The following TLK1 variants were observed in gnomAD, a reference collection of about 807,000 sequenced individuals.
TLK1 encodes the protein serine/threonine-protein kinase tousled-like 1.
A neutral mutation model predicts 105.3 loss-of-function variants in TLK1; 24 were observed. The ratio of observed to expected loss-of-function variants is 0.23; its 90% CI spans 0.17 to 0.32. The LOEUF is 0.32. Ranked by LOEUF, TLK1 falls within the 10% of genes least tolerant of loss-of-function variation. The pLI, the probability that TLK1 is intolerant of heterozygous loss-of-function variation, is 1.00. For missense variants in TLK1, 558 were observed against 910.5 expected (o/e 0.61, Z 4.98); for synonymous variants, 321 against 310.4 (o/e 1.03, Z -0.36).
intron 19 of TLK1, 57 bp from the exon 20 acceptor site, chr2:170,996,817 T>C (rs1684086044): frequency 1.3e-5 from 18 of 1,423,634 alleles, no homozygotes; most frequent in Non-Finnish European, 1.7e-5. Context: ...TAAACACAGA[T>C]ATCATTTCTG....
chr2:171,012,098 C>T (rs1232397557), intron 13 of TLK1, among the ~76,000 whole-genome samples: 1 of 151,902 alleles, frequency 6.6e-6, no homozygotes, highest in Admixed American at 6.6e-5. Flanking sequence ...ATATTGCCGA[C>T]TGAGCATCCC....
At chr2:171,195,501 C>CAAAAAAAAAAAAA in intron 1 of TLK1, among the ~76,000 whole-genome samples, 1 of 66,304 alleles carries the variant, frequency 1.5e-5, no homozygotes, top group East Asian at 5.9e-4. Flanking sequence ...GACTCTGTCT[C>CAAAAAAAAAAAAA]AAAAAAAAAA....
chr2:171,151,677 G>A (rs900391450), intron 1 of TLK1, among the ~76,000 whole-genome samples: 12 of 151,302 alleles, frequency 7.9e-5, no homozygotes, highest in South Asian at 4.2e-4. Flanking sequence ...GGGTTTCACC[G>A]TGTTAGCCAG....
intron 1 of TLK1, among the ~76,000 whole-genome samples, chr2:171,158,350 CCGG>C (rs1692316418): frequency 3.9e-5 from 6 of 152,082 alleles, no homozygotes; most frequent in African/African-American, 1.4e-4. Context: ...ATCTAAACTG[CCGG>C]AAAAAATTAT....
At chr2:171,079,223 T>C (rs1688643016) in intron 3 of TLK1, among the ~76,000 whole-genome samples, 1 of 152,222 alleles carries the variant, frequency 6.6e-6, no homozygotes, top group Non-Finnish European at 1.5e-5. Context: ...TACTTCACTC[T>C]GTCTTATGGG....
chr2:171,061,279 A>C, intron 3 of TLK1, 123 bp from the exon 4 acceptor site: 3 of 721,112 alleles, frequency 4.2e-6, no homozygotes, highest in South Asian at 3.9e-5. Flanking sequence ...AGAGATGTTA[A>C]TATACTGTTA....
chr2:171,013,566 A>C (rs1447680628), intron 13 of TLK1, among the ~76,000 whole-genome samples: 1 of 151,992 alleles, frequency 6.6e-6, no homozygotes, highest in African/African-American at 2.4e-5. Flanking sequence ...CTGGCCTCCC[A>C]AAGTGCAAGG....
At position 171,017,220 on chromosome 2, in the gene TLK1, A is replaced by C. The variant is rs545037289; in HGVS notation, c.1237-2272T>G. On this transcript the variant is annotated intron_variant, in intron 12 of 20. Coordinates refer to ENST00000431350, the MANE Select transcript of TLK1 (RefSeq NM_012290.5). ...CCAGGAGTATGAAAGAATTTAAATT[A>C]ATTTACACTAGAAATGTAGAATCTA... Among the ~76,000 whole-genome samples the C allele has an allele frequency of 2.0e-5, 3 of 152,320 alleles. No individual in the cohort carries two copies. The South Asian group carries it at 6.2e-4, about 32-fold the overall frequency.
chr2:171,139,434 C>A (rs1286393042), intron 1 of TLK1, among the ~76,000 whole-genome samples: 1 of 151,830 alleles, frequency 6.6e-6, no homozygotes, highest in East Asian at 1.9e-4. Context: ...CCTGTCTTTA[C>A]TAAAGATTCA....
intron 11 of TLK1, among the ~76,000 whole-genome samples, chr2:171,042,075 T>C (rs984689399): frequency 6.6e-6 from 1 of 152,196 alleles, no homozygotes; most frequent in African/African-American, 2.4e-5. Flanking sequence ...GCCACAGAGT[T>C]AGTTTTAGGT....
At chr2:171,042,848 C>A (rs1021828295) in intron 11 of TLK1, among the ~76,000 whole-genome samples, 1 of 151,908 alleles carries the variant, frequency 6.6e-6, no homozygotes, top group Non-Finnish European at 1.5e-5. Context: ...AAAGCACAGT[C>A]CATTTAGAGA....
At chr2:171,015,411 TACAA>T (rs1181004728) in intron 12 of TLK1, among the ~76,000 whole-genome samples, 3 of 110,572 alleles carry the variant, frequency 2.7e-5, no homozygotes, top group African/African-American at 3.6e-5. Context: ...GCATTTGGAG[TACAA>T]ACACACACAC....
At chr2:171,031,170 C>A (rs770549412) in intron 11 of TLK1, among the ~76,000 whole-genome samples, 1 of 152,076 alleles carries the variant, frequency 6.6e-6, no homozygotes, top group Admixed American at 6.6e-5. Context: ...GACAAAAGAG[C>A]CATTTCTTAC....
At chr2:171,072,261 T>C (rs1688296088) in intron 3 of TLK1, among the ~76,000 whole-genome samples, 1 of 152,232 alleles carries the variant, frequency 6.6e-6, no homozygotes, top group Non-Finnish European at 1.5e-5. Flanking sequence ...TTGCATACTC[T>C]TCAATTTCTT....
chr2:171,089,351 T>A (rs1205273349), intron 2 of TLK1, among the ~76,000 whole-genome samples: 1 of 152,218 alleles, frequency 6.6e-6, no homozygotes, highest in Non-Finnish European at 1.5e-5. Context: ...TCTCTGCCAA[T>A]CTAAGGTAAT....
chr2:171,048,626 G>GC (rs1687072401), intron 10 of TLK1, among the ~76,000 whole-genome samples: 1 of 151,052 alleles, frequency 6.6e-6, no homozygotes, highest in African/African-American at 2.4e-5. Context: ...CTGCAGAATT[G>GC]AAACCCAAAC....
chr2:171,179,217 T>C (rs996173889), intron 1 of TLK1, among the ~76,000 whole-genome samples: 1 of 152,224 alleles, frequency 6.6e-6, no homozygotes. Flanking sequence ...TCCTCATAGT[T>C]GTAATGAGTC....
chr2:171,108,081 AACAAC>A lies in TLK1; in HGVS notation c.258+9653_258+9657del, dbSNP rs1454367963. Among the ~76,000 whole-genome samples the A allele has an allele frequency of 1.8e-3, 101 of 55,412 alleles. 1 individual carries two copies. The South Asian group carries it at 0.028, about 15-fold the overall frequency. 36.4% of individuals were successfully genotyped at this position (55,412 alleles called of 152,430 possible). A position where few individuals can be genotyped will look rare whatever the true frequency, so the allele number is the denominator to read the frequency against. ...TCAAAAAAAAAACAACAACAACAAC[AACAAC>A]AAAAAAACAGGAGCCAGGAGACCAC... On this transcript the variant is annotated intron_variant, in intron 2 of 20. Transcript: ENST00000431350.
At chr2:171,147,664 C>A (rs1575628851) in intron 1 of TLK1, among the ~76,000 whole-genome samples, 1 of 152,288 alleles carries the variant, frequency 6.6e-6, no homozygotes, top group East Asian at 1.9e-4. Flanking sequence ...TTCCTTATAG[C>A]CACAGCATGC....
Sources: allele counts gnomAD v4.1 joint callset (sites outside exome capture counted in the v4.1 genomes callset), GRCh38; gene constraint gnomAD v4.1.1; transcripts MANE v1.5; gene names NCBI Gene and HGNC (gene_info 2026-07-23, HGNC 2026-07-21).